The following MEGF11 variants were observed in gnomAD, a reference collection of about 807,000 sequenced individuals.
MEGF11 encodes the protein multiple epidermal growth factor-like domains protein 11.
A neutral mutation model predicts 146.6 loss-of-function variants in MEGF11; 126 were observed. The observed-to-expected ratio is 0.86, with a 90% CI of 0.74 to 1.00. The LOEUF (loss-of-function observed/expected upper bound fraction) is 1.00, where lower values mean the gene tolerates loss of function less well. Among genes scored for constraint, MEGF11 ranks in the 50% least tolerant of loss-of-function variants. The probability of loss-of-function intolerance (pLI) is 0.00; values close to 1 mark genes in which losing one functional copy is unlikely to be tolerated. For synonymous variants in MEGF11, 532 were observed against 583.4 expected (o/e 0.91, Z 1.27); for missense variants, 1,509 against 1,521.2 (o/e 0.99, Z 0.13).
At chr15:65,928,958 G>A (rs745402262) in intron 12 of MEGF11, among the ~76,000 whole-genome samples, 3 of 152,158 alleles carry the variant, frequency 2.0e-5, no homozygotes, top group Non-Finnish European at 4.4e-5. Context: ...GAAGAAGGTA[G>A]TCACCAATTC....
intron 1 of MEGF11, among the ~76,000 whole-genome samples, chr15:66,144,862 C>T (rs2089305612): frequency 6.6e-6 from 1 of 152,244 alleles, no homozygotes; most frequent in African/African-American, 2.4e-5. Flanking sequence ...TCTCCTCAGC[C>T]ATTATGTACT....
chr15:66,028,272 C>T (rs1212462098), intron 5 of MEGF11, among the ~76,000 whole-genome samples: 1 of 152,220 alleles, frequency 6.6e-6, no homozygotes, highest in Non-Finnish European at 1.5e-5. Flanking sequence ...CAATAAAGGT[C>T]TTTCATAACA....
chr15:66,199,565 C>G (rs140379344), intron 1 of MEGF11, among the ~76,000 whole-genome samples: 4 of 152,302 alleles, frequency 2.6e-5, no homozygotes, highest in African/African-American at 9.6e-5. Context: ...CAGCCAAGAC[C>G]AAAGCCCCAG....
intron 5 of MEGF11, among the ~76,000 whole-genome samples, chr15:65,991,885 T>A (rs1274060828): frequency 6.6e-6 from 1 of 152,218 alleles, no homozygotes; most frequent in Non-Finnish European, 1.5e-5. Flanking sequence ...AGAGGCTCAA[T>A]GTCAAACAAT....
chr15:66,110,208 TCAA>T (rs1458953637), intron 4 of MEGF11, among the ~76,000 whole-genome samples: 1 of 152,180 alleles, frequency 6.6e-6, no homozygotes, highest in East Asian at 1.9e-4. Context: ...ATTCACTCTT[TCAA>T]CAATTATTTA....
At chr15:65,930,472 T>G (rs2079536633) in intron 11 of MEGF11, among the ~76,000 whole-genome samples, 1 of 152,166 alleles carries the variant, frequency 6.6e-6, no homozygotes, top group African/African-American at 2.4e-5. Context: ...ACGTCCCACC[T>G]CTTACCAGGT....
At chr15:66,217,462 T>A (rs1451760506) in intron 1 of MEGF11, among the ~76,000 whole-genome samples, 1 of 152,184 alleles carries the variant, frequency 6.6e-6, no homozygotes, top group African/African-American at 2.4e-5. Context: ...GACTACCCAC[T>A]CCTCCCAGGT....
chr15:66,237,729 G>C (rs2092126307), intron 1 of MEGF11, among the ~76,000 whole-genome samples: 1 of 152,204 alleles, frequency 6.6e-6, no homozygotes, highest in African/African-American at 2.4e-5. Context: ...AGGGCAGTCT[G>C]CCACACAGCA....
At chr15:65,974,117 A>G (rs1036352850) in intron 7 of MEGF11, among the ~76,000 whole-genome samples, 2 of 152,192 alleles carry the variant, frequency 1.3e-5, no homozygotes, top group Non-Finnish European at 2.9e-5. Flanking sequence ...AAGCACCAAT[A>G]ATCACCAACC....
intron 1 of MEGF11, among the ~76,000 whole-genome samples, chr15:66,195,555 G>A (rs1215084351): frequency 6.6e-6 from 1 of 152,238 alleles, no homozygotes; most frequent in Non-Finnish European, 1.5e-5. Flanking sequence ...GAACCGAGAA[G>A]AAGGGAGAGC....
chr15:66,049,609 G>C (rs142204203), intron 5 of MEGF11, among the ~76,000 whole-genome samples: 1 of 152,156 alleles, frequency 6.6e-6, no homozygotes, highest in South Asian at 2.1e-4. Context: ...ATGTTAACGG[G>C]TTTGCTGGCT....
At chr15:65,899,209 C>T (rs984245805) in intron 24 of MEGF11, among the ~76,000 whole-genome samples, 2 of 152,146 alleles carry the variant, frequency 1.3e-5, no homozygotes, top group African/African-American at 4.8e-5. Context: ...TATGCTTTGA[C>T]ATGTATTTAA....
At chr15:66,108,983 G>A (rs1394075403) in intron 4 of MEGF11, among the ~76,000 whole-genome samples, 1 of 152,170 alleles carries the variant, frequency 6.6e-6, no homozygotes, top group Non-Finnish European at 1.5e-5. Flanking sequence ...GGTGCAGATG[G>A]CAGAGGCTTA....
intron 1 of MEGF11, among the ~76,000 whole-genome samples, chr15:66,182,328 G>A (rs756248219): frequency 6.6e-6 from 1 of 152,196 alleles, no homozygotes; most frequent in Non-Finnish European, 1.5e-5. Context: ...GAACCACGGT[G>A]TGTGGGTGTT....
intron 1 of MEGF11, among the ~76,000 whole-genome samples, chr15:66,184,197 C>T (rs2090631591): frequency 6.6e-6 from 1 of 152,112 alleles, no homozygotes; most frequent in South Asian, 2.1e-4. Context: ...AATTGTAATG[C>T]TTCAAATATG....
intron 10 of MEGF11, among the ~76,000 whole-genome samples, chr15:65,935,976 C>T (rs931078407): frequency 1.3e-5 from 2 of 152,200 alleles, no homozygotes; most frequent in Non-Finnish European, 2.9e-5. Context: ...CAGCTCTGCC[C>T]ACCCCGGCAT....
chr15:65,968,430 C>T (rs2081190201), intron 8 of MEGF11, among the ~76,000 whole-genome samples: 1 of 152,198 alleles, frequency 6.6e-6, no homozygotes, highest in Non-Finnish European at 1.5e-5. Flanking sequence ...CAGGACTGGA[C>T]AGAGCCCTGA....
chr15:66,124,440 G>A lies in MEGF11; in HGVS notation c.99-440C>T, dbSNP rs926300781. On this transcript the variant is annotated intron_variant, in intron 2 of 25. Coordinates refer to ENST00000395614, the MANE Select transcript of MEGF11 (RefSeq NM_001385028.1). The stretch of plus-strand genomic sequence containing the variant: ...TAAGTGGCCCCATTTTATAGAGGAA[G>A]AAACTAAGGTTCAGAGAAAAGTGAC... Among the ~76,000 whole-genome samples, 4 of 152,198 alleles carry A rather than the reference G, an allele frequency of 2.6e-5. No individual in the cohort carries two copies. In the South Asian group the frequency reaches 8.3e-4, roughly 32 times the overall value.
intron 1 of MEGF11, among the ~76,000 whole-genome samples, chr15:66,235,725 C>T (rs1035541944): frequency 6.6e-6 from 1 of 152,100 alleles, no homozygotes; most frequent in Non-Finnish European, 1.5e-5. Flanking sequence ...CCTACAGGAT[C>T]CTGGAAGCGT....
Sources: gnomAD v4.1 joint callset for allele counts (sites outside exome capture counted in the v4.1 genomes callset) on GRCh38, gnomAD v4.1.1 for gene constraint, MANE v1.5 for transcripts, NCBI Gene and HGNC (gene_info 2026-07-23, HGNC 2026-07-21) for gene names.